The following ZNF507 variants were observed in gnomAD, a reference collection of about 807,000 sequenced individuals.
ZNF507 encodes the protein zinc finger protein 507.
Under a neutral mutation model 80.0 loss-of-function variants are expected in ZNF507, and 29 were observed. That is an observed-to-expected ratio of 0.36 (90% CI 0.27 to 0.49). The LOEUF (loss-of-function observed/expected upper bound fraction) is 0.49, where lower values mean the gene tolerates loss of function less well. ZNF507 is among the 20% of genes least tolerant of loss of function. The pLI is 0.98. For missense variants in ZNF507, 1,081 were observed against 1,152.2 expected (o/e 0.94, Z 0.90); for synonymous variants, 462 against 422.5 (o/e 1.09, Z -1.15).
At chr19:32,374,179 C>CACACA (rs1426670877) in intron 5 of ZNF507, among the ~76,000 whole-genome samples, 1 of 151,458 alleles carries the variant, frequency 6.6e-6, no homozygotes, top group Non-Finnish European at 1.5e-5. Flanking sequence ...AACACACACA[C>CACACA]ACACACACAC....
chr19:32,371,940 A>G (rs1222428172), intron 5 of ZNF507, among the ~76,000 whole-genome samples: 1 of 152,118 alleles, frequency 6.6e-6, no homozygotes, highest in African/African-American at 2.4e-5. Context: ...CGCCCAGTCC[A>G]TTCTTTATTA....
At position 32,354,194 on chromosome 19, in the gene ZNF507, T is replaced by C. The variant is rs368028755; in HGVS notation, c.1364T>C (p.Ile455Thr). The change falls in exon 3 of 7, where the codon ATC becomes ACC. Residue 455 changes from isoleucine to threonine, a missense_variant. By Grantham distance (89) the Ile-to-Thr change is moderately conservative. Coordinates refer to ENST00000355898, the MANE Select transcript of ZNF507 (RefSeq NM_001136156.2). ...DKCTVDIGGL[I>T]IGWSSSEKKD... is the part of the protein sequence containing the mutation. ...TGTACTGTTGATATTGGGGGATTGA[T>C]CATAGGCTGGAGCAGTTCAGAGAAA... 21 of 1,613,526 alleles carry C rather than the reference T, an allele frequency of 1.3e-5. No individual in the cohort carries two copies. The highest frequency in any genetic ancestry group is 1.7e-5 in the Admixed American group (1 of 60,002).
At chr19:32,355,092 A>G (rs1260394113) in intron 3 of ZNF507, 135 bp downstream of exon 3, 1 of 839,044 alleles carries the variant, frequency 1.2e-6, no homozygotes, top group Non-Finnish European at 1.8e-6. Flanking sequence ...TAAGTTGCCC[A>G]AGGGGATCCC....
At chr19:32,346,694 A>G (rs77340251) in intron 1 of ZNF507, among the ~76,000 whole-genome samples, 2,078 of 152,350 alleles carry the variant, frequency 0.014, 46 homozygotes, top group African/African-American at 0.047. Flanking sequence ...GTTGCATTCT[A>G]GGTGAAACGA....
chr19:32,372,887 G>A (rs892330778), intron 5 of ZNF507, among the ~76,000 whole-genome samples: 1 of 152,178 alleles, frequency 6.6e-6, no homozygotes, highest in Non-Finnish European at 1.5e-5. Context: ...GTGTGTCTTA[G>A]TCCCTTCAGG....
chr19:32,355,132 C>G (rs2232511), intron 3 of ZNF507, among the ~76,000 whole-genome samples, 175 bp downstream of exon 3: 1,995 of 152,254 alleles, frequency 0.013, 25 homozygotes, highest in Non-Finnish European at 0.022. Context: ...TGGGACTGTT[C>G]AGAATTTCTG....
At position 32,354,529 on chromosome 19, in the gene ZNF507, C is replaced by T. The variant is rs772877851; in HGVS notation, c.1699C>T (p.Leu567Phe). Residue 567 changes from leucine to phenylalanine, a missense_variant, in exon 3 of 7, where the codon CTC becomes TTC. Transcript: ENST00000355898. ...LNQSNSTLVA[L>F]PEGRQELSDG... Reference sequence around the variant, plus strand: ...CCAAAGCAACTCCACCTTGGTAGCACTCCCAGAGGGTAGGCAGGAATTGTC... The same window carrying T: ...CCAAAGCAACTCCACCTTGGTAGCATTCCCAGAGGGTAGGCAGGAATTGTC... The T allele has an allele frequency of 2.5e-6, 4 of 1,614,204 alleles. No individual in the cohort carries two copies. The South Asian group carries it at 3.3e-5, about 13-fold the overall frequency.
chr19:32,352,734 A>G (rs1002586461), intron 2 of ZNF507, 95 bp from the exon 3 acceptor site: 1 of 1,114,174 alleles, frequency 9.0e-7, no homozygotes, highest in African/African-American at 1.6e-5. Context: ...CTTAGATGAG[A>G]TTACAGACAC....
intron 5 of ZNF507, chr19:32,380,477 C>T: frequency 2.2e-6 from 2 of 907,346 alleles, no homozygotes; most frequent in East Asian, 5.3e-5. Flanking sequence ...TGCATGCTAT[C>T]ACAAAGTTAA....
intron 5 of ZNF507, among the ~76,000 whole-genome samples, chr19:32,379,310 G>A (rs1413525087): frequency 6.6e-6 from 1 of 152,164 alleles, no homozygotes; most frequent in African/African-American, 2.4e-5. Flanking sequence ...ATTAAGGTTA[G>A]GGTTTTTTTG....
chr19:32,361,320 C>T (rs1967318886), intron 5 of ZNF507, among the ~76,000 whole-genome samples: 1 of 152,122 alleles, frequency 6.6e-6, no homozygotes, highest in Non-Finnish European at 1.5e-5. Context: ...CTAGGCAATG[C>T]GCATGAACTT....
At chr19:32,375,193 C>A (rs1007205333) in intron 5 of ZNF507, among the ~76,000 whole-genome samples, 2 of 152,140 alleles carry the variant, frequency 1.3e-5, no homozygotes, top group African/African-American at 4.8e-5. Context: ...GGACATTTGC[C>A]GATGTCTGGA....
In ZNF507 at chr19:32,354,573, A is replaced by G. The variant is rs1297147090; in HGVS notation, c.1743A>G (p.Thr581=). The change falls in exon 3 of 7, where the codon ACA becomes ACG. Residue 581 remains threonine (T), a synonymous_variant. Coordinates refer to ENST00000355898, the MANE Select transcript of ZNF507 (RefSeq NM_001136156.2). ...AATTGTCAGATGGGCAGGTTAAGAC[A>G]GGCATCAGCATGTCCTTACTCACCG... is the stretch of plus-strand genomic sequence containing the variant. The part of the protein sequence containing the change: ...RQELSDGQVK[T]GISMSLLTVI... 2 of 1,614,196 alleles carry G rather than the reference A, an allele frequency of 1.2e-6. No homozygotes were observed. Among genetic ancestry groups the G allele is most frequent in the Non-Finnish European group, 1.7e-6 (2 of 1,180,034 alleles).
Position 32,360,588 on chromosome 19 carries a change from G to A in ZNF507, c.2330G>A (p.Arg777Lys), listed in dbSNP as rs1296954222. 1 of 1,602,374 alleles carries A rather than the reference G, an allele frequency of 6.2e-7. No homozygotes were observed. Among genetic ancestry groups the A allele is most frequent in the Non-Finnish European group, 8.5e-7 (1 of 1,174,102 alleles). ...ACATATGTTGGTGTCAGAAACCACA[G>A]GCGAATCCATAACTCTGATAAGCCG... is the stretch of plus-strand genomic sequence containing the variant. ...STTYVGVRNHRRIHNSDKPYR... is the reference protein window; with the variant it reads ...STTYVGVRNHKRIHNSDKPYR... Residue 777 changes from arginine to lysine, a missense_variant, in exon 5 of 7, where the codon AGG (arginine) becomes AAG (lysine). Arg to Lys is a conservative substitution (Grantham distance 26, BLOSUM62 2). Around this residue, in one of 6 missense-constraint regions of ZNF507, gnomAD observed 40 missense variants for 52.4 expected, o/e 0.76. Transcript: ENST00000355898.
chr19:32,363,825 A>G (rs1464062795), intron 5 of ZNF507, among the ~76,000 whole-genome samples: 2 of 152,170 alleles, frequency 1.3e-5, no homozygotes, highest in East Asian at 3.9e-4. Context: ...GGCAGAGCTC[A>G]TTTTACAAAA....
chr19:32,377,734 C>T (rs1409212589), intron 5 of ZNF507, among the ~76,000 whole-genome samples: 2 of 152,166 alleles, frequency 1.3e-5, no homozygotes, highest in African/African-American at 4.8e-5. Flanking sequence ...AGATACCCCT[C>T]CCTCAAGGAG....
intron 5 of ZNF507, among the ~76,000 whole-genome samples, chr19:32,379,116 C>T (rs541559496): frequency 5.9e-5 from 9 of 152,166 alleles, no homozygotes; most frequent in African/African-American, 1.9e-4. Flanking sequence ...ACTGTGACCA[C>T]ACTACAGTAC....
At chr19:32,381,477 G>A (rs1276895933) in intron 5 of ZNF507, among the ~76,000 whole-genome samples, 1 of 152,084 alleles carries the variant, frequency 6.6e-6, no homozygotes, top group African/African-American at 2.4e-5. Flanking sequence ...GTGCATGCCT[G>A]TAATCCCAGC....
chr19:32,373,228 T>TA (rs1397491813), intron 5 of ZNF507, among the ~76,000 whole-genome samples: 1 of 151,854 alleles, frequency 6.6e-6, no homozygotes, highest in African/African-American at 2.4e-5. Context: ...GGGGGGCACA[T>TA]ACATTCAGAT....
Sources: allele counts gnomAD v4.1 joint callset (sites outside exome capture counted in the v4.1 genomes callset), GRCh38; gene constraint gnomAD v4.1.1; regional missense constraint gnomAD v4.1.1; transcripts MANE v1.5; gene names NCBI Gene and HGNC (gene_info 2026-07-23, HGNC 2026-07-21).